Variants in ANKH observed in about 807,000 individuals in gnomAD.
ANKH encodes the protein mineralization regulator ANKH.
A neutral mutation model predicts 49.0 loss-of-function variants in ANKH; 15 were observed. That is an observed-to-expected ratio of 0.31 (90% CI 0.20 to 0.47). The LOEUF (loss-of-function observed/expected upper bound fraction) is 0.47, where lower values mean the gene tolerates loss of function less well. ANKH is among the 20% of genes least tolerant of loss of function. The pLI is 1.00. For synonymous variants in ANKH, 273 were observed against 260.0 expected (o/e 1.05, Z -0.48); for missense variants, 429 against 652.0 (o/e 0.66, Z 3.72).
intron 1 of ANKH, among the ~76,000 whole-genome samples, chr5:14,795,857 C>CAAA (rs199499798): frequency 8.9e-6 from 1 of 112,270 alleles, no homozygotes. Context: ...GACTGTGTCT[C>CAAA]AAAAAAAAAA....
intron 8 of ANKH, among the ~76,000 whole-genome samples, chr5:14,727,851 C>T (rs532966828): frequency 1.5e-3 from 235 of 152,168 alleles, no homozygotes; most frequent in African/African-American, 5.4e-3. Flanking sequence ...GGTTGGTACA[C>T]TGTATGTGTA....
intron 1 of ANKH, among the ~76,000 whole-genome samples, chr5:14,819,421 G>A (rs1741133807): frequency 1.3e-5 from 2 of 152,194 alleles, no homozygotes; most frequent in Admixed American, 1.3e-4. Flanking sequence ...CTCTGGGTAG[G>A]GGCTAACATT....
At chr5:14,748,059 C>T (rs961195925) in intron 6 of ANKH, among the ~76,000 whole-genome samples, 1 of 152,140 alleles carries the variant, frequency 6.6e-6, no homozygotes, top group Non-Finnish European at 1.5e-5. Context: ...GAGCAATTTT[C>T]AAATGGCTCT....
intron 1 of ANKH, among the ~76,000 whole-genome samples, chr5:14,856,348 C>G (rs1735244698): frequency 6.6e-6 from 1 of 152,168 alleles, no homozygotes; most frequent in African/African-American, 2.4e-5. Context: ...CCATTTCATA[C>G]TTTTCAAAGC....
chr5:14,820,337 A>G (rs1741163767), intron 1 of ANKH, among the ~76,000 whole-genome samples: 1 of 152,214 alleles, frequency 6.6e-6, no homozygotes, highest in African/African-American at 2.4e-5. Flanking sequence ...TTTCTATGCA[A>G]CTTATTATTT....
chr5:14,844,712 G>A (rs912401511), intron 1 of ANKH, among the ~76,000 whole-genome samples: 1 of 152,186 alleles, frequency 6.6e-6, no homozygotes, highest in Non-Finnish European at 1.5e-5. Context: ...TGGTACATGC[G>A]GAGCTGTAGA....
chr5:14,780,288 A>C (rs927143840), intron 1 of ANKH, among the ~76,000 whole-genome samples: 1 of 152,178 alleles, frequency 6.6e-6, no homozygotes, highest in Non-Finnish European at 1.5e-5. Context: ...CACGTCTGTA[A>C]TCCCAGCACT....
In ANKH at chr5:14,710,867, TG is replaced by T. The variant is rs1362565525; in HGVS notation, c.*329del. 1 of 367,168 alleles carries T rather than the reference TG, an allele frequency of 2.7e-6. No individual in the cohort carries two copies. The highest frequency in any genetic ancestry group is 5.2e-6 in the Non-Finnish European group (1 of 190,562). The allele number at this position is 367,168 out of a possible 1,614,324, so 22.7% of individuals were successfully genotyped here. A position where few individuals can be genotyped will look rare whatever the true frequency, so the allele number is the denominator to read the frequency against. ...GCGCGATGGCACAGCTGCAGTCCTT[TG>T]GTTCCAAGAGGAGATTGTCCAGGGG... On this transcript the variant is annotated 3_prime_UTR_variant, in exon 12 of 12. Transcript: ENST00000284268.
At position 14,871,347 on chromosome 5, in the gene ANKH, C is replaced by A. The variant is rs928164677; in HGVS notation, c.96+5G>T. 6.2e-7 allele frequency: 1 copy of A among 1,610,942 alleles called. No homozygotes were observed. On this transcript the variant is annotated splice_donor_5th_base_variant and intron_variant, in intron 1 of 11. Transcript: ENST00000284268. ...GCGGGCGTGGGGCGCGGGGCCGGGGCTTACCTGCTCCCCGAAGTCGATGGC... is the reference window on the plus strand; with the variant it reads ...GCGGGCGTGGGGCGCGGGGCCGGGGATTACCTGCTCCCCGAAGTCGATGGC...
At chr5:14,757,428 A>ATTTT (rs1482943564) in intron 3 of ANKH, among the ~76,000 whole-genome samples, 6 of 128,126 alleles carry the variant, frequency 4.7e-5, no homozygotes, top group East Asian at 2.1e-4. Flanking sequence ...ATATATATAT[A>ATTTT]TATTTTTTTT....
At chr5:14,839,565 G>GT (rs1347744292) in intron 1 of ANKH, among the ~76,000 whole-genome samples, 5 of 151,374 alleles carry the variant, frequency 3.3e-5, no homozygotes, top group Non-Finnish European at 7.4e-5. Context: ...ATAAGAAAGG[G>GT]TTTTTGTTTG....
intron 1 of ANKH, among the ~76,000 whole-genome samples, chr5:14,858,110 A>G (rs1461066757): frequency 6.6e-6 from 1 of 152,246 alleles, no homozygotes; most frequent in Non-Finnish European, 1.5e-5. Flanking sequence ...AGGAGCATTA[A>G]TCATCACATT....
intron 1 of ANKH, among the ~76,000 whole-genome samples, chr5:14,849,379 T>A (rs1742061643): frequency 6.6e-6 from 1 of 152,218 alleles, no homozygotes; most frequent in African/African-American, 2.4e-5. Context: ...CCTCCTAATG[T>A]TAGCTGTATA....
chr5:14,865,128 C>G (rs987746309), intron 1 of ANKH, among the ~76,000 whole-genome samples: 1 of 152,074 alleles, frequency 6.6e-6, no homozygotes, highest in African/African-American at 2.4e-5. Flanking sequence ...GGCATGGTGA[C>G]GCATGCCTGT....
At position 14,782,675 on chromosome 5, in the gene ANKH, A is replaced by C. The variant is rs554910991; in HGVS notation, c.97-13484T>G. Among the ~76,000 whole-genome samples the C allele has an allele frequency of 6.6e-5, 10 of 152,358 alleles. No individual in the cohort carries two copies. The South Asian group carries it at 1.7e-3, about 25-fold the overall frequency. ...ACAACAAGCATTACGGCGCAGATGT[A>C]AAGGCTGAACTGAGTGTGACTAAAG... On this transcript the variant is annotated intron_variant, in intron 1 of 11. Transcript: ENST00000284268.
At chr5:14,740,728 T>G (rs1738327099) in intron 8 of ANKH, among the ~76,000 whole-genome samples, 2 of 152,192 alleles carry the variant, frequency 1.3e-5, no homozygotes, top group African/African-American at 4.8e-5. Context: ...TACGCAGGCC[T>G]TGAGTTTAAT....
intron 1 of ANKH, among the ~76,000 whole-genome samples, chr5:14,773,715 G>A (rs955981995): frequency 2.6e-5 from 4 of 152,198 alleles, no homozygotes; most frequent in Non-Finnish European, 5.9e-5. Context: ...CACAGGGCAC[G>A]AAGCAGTGGC....
At chr5:14,862,267 A>G (rs1478921497) in intron 1 of ANKH, among the ~76,000 whole-genome samples, 1 of 152,206 alleles carries the variant, frequency 6.6e-6, no homozygotes, top group Non-Finnish European at 1.5e-5. Flanking sequence ...CATTTTTGCT[A>G]TGAAGAAGCA....
chr5:14,750,516 T>C (rs902014981), intron 5 of ANKH, among the ~76,000 whole-genome samples: 1 of 152,198 alleles, frequency 6.6e-6, no homozygotes, highest in African/African-American at 2.4e-5. Context: ...GTTGCTTCTG[T>C]ATTGTTCTGA....
Sources: gnomAD v4.1 joint callset for allele counts (sites outside exome capture counted in the v4.1 genomes callset) on GRCh38, gnomAD v4.1.1 for gene constraint, MANE v1.5 for transcripts, NCBI Gene and HGNC (gene_info 2026-07-23, HGNC 2026-07-21) for gene names.